Variants in PID1 observed in about 807,000 individuals in gnomAD.
PID1 encodes phosphotyrosine interaction domain containing 1.
In PID1, 10 loss-of-function variants were observed where a neutral mutation model predicts 19.1. The observed-to-expected ratio is 0.52, with a 90% CI of 0.32 to 0.89. The LOEUF is 0.89. Among genes scored for constraint, PID1 ranks in the 40% least tolerant of loss-of-function variants. The probability of loss-of-function intolerance (pLI) is 0.03; values close to 1 mark genes in which losing one functional copy is unlikely to be tolerated. For missense variants in PID1, 248 were observed against 285.3 expected (o/e 0.87, Z 0.94); for synonymous variants, 130 against 116.0 (o/e 1.12, Z -0.78).
intron 2 of PID1, among the ~76,000 whole-genome samples, chr2:229,114,203 C>CACACAAT (rs1695364802): frequency 6.9e-6 from 1 of 144,850 alleles, no homozygotes; most frequent in African/African-American, 2.6e-5. Context: ...ACACACACAA[C>CACACAAT]ACAACACATG....
At chr2:229,090,779 A>G (rs1038738923) in intron 2 of PID1, among the ~76,000 whole-genome samples, 7 of 152,228 alleles carry the variant, frequency 4.6e-5, no homozygotes, top group Non-Finnish European at 1.0e-4. Context: ...TCACGCATGC[A>G]TTCATTACAT....
intron 1 of PID1, among the ~76,000 whole-genome samples, chr2:229,195,652 C>T (rs1691363004): frequency 6.6e-6 from 1 of 151,720 alleles, no homozygotes; most frequent in African/African-American, 2.4e-5. Context: ...CTGCACAATA[C>T]CTAGAACATG....
chr2:229,167,002 GAAGGA>G (rs923467738), intron 1 of PID1, among the ~76,000 whole-genome samples: 10 of 150,490 alleles, frequency 6.6e-5, no homozygotes, highest in Non-Finnish European at 7.4e-5. Context: ...AGTGGAAGGG[GAAGGA>G]AAGGAAAGGA....
rs552410938 is a variant in PID1, at chr2:229,189,893, G to T, written c.31-33929C>A. On this transcript the variant is annotated intron_variant, in intron 1 of 2. Transcript: ENST00000392055. ...TAGCCCACAGATACAGAATTATATA[G>T]TATTCATCTCCCTTAAATAATGAGA... Among the ~76,000 whole-genome samples the T allele has an allele frequency of 2.6e-5, 4 of 152,252 alleles. No individual in the cohort carries two copies. The East Asian group carries it at 7.7e-4, about 29-fold the overall frequency.
At chr2:229,170,426 T>C (rs781214451) in intron 1 of PID1, among the ~76,000 whole-genome samples, 9 of 152,172 alleles carry the variant, frequency 5.9e-5, no homozygotes, top group Non-Finnish European at 1.2e-4. Context: ...ATTAAGTACA[T>C]AGAAGAGTAA....
chr2:229,237,619 A>C (rs1019031366), intron 1 of PID1, among the ~76,000 whole-genome samples: 3 of 152,198 alleles, frequency 2.0e-5, no homozygotes, highest in Non-Finnish European at 4.4e-5. Context: ...AGAGAAGGAG[A>C]TGAAGGAGAA....
chr2:229,136,671 T>G (rs184246640), intron 2 of PID1, among the ~76,000 whole-genome samples: 228 of 152,294 alleles, frequency 1.5e-3, no homozygotes, highest in Non-Finnish European at 2.7e-3. Context: ...CGGCACTTTC[T>G]CTCTTTGATT....
chr2:229,194,460 A>T (rs1347519273), intron 1 of PID1, among the ~76,000 whole-genome samples: 2 of 152,056 alleles, frequency 1.3e-5, no homozygotes, highest in African/African-American at 4.8e-5. Flanking sequence ...TCATTTTCAA[A>T]TTCAATAGCA....
intron 1 of PID1, among the ~76,000 whole-genome samples, chr2:229,232,431 CAAAA>C (rs386392861): frequency 1.5e-4 from 6 of 41,354 alleles, no homozygotes; most frequent in East Asian, 9.6e-4. Context: ...GACTCCATCT[CAAAA>C]AAAAAAAAAA....
chr2:229,134,464 G>C (rs62193235), intron 2 of PID1, among the ~76,000 whole-genome samples: 10,378 of 150,738 alleles, frequency 0.069, 507 homozygotes, highest in South Asian at 0.22. Flanking sequence ...GGCTGGTCTC[G>C]AACTCCTGAC....
At chr2:229,149,076 T>C (rs1696366541) in intron 2 of PID1, among the ~76,000 whole-genome samples, 1 of 150,748 alleles carries the variant, frequency 6.6e-6, no homozygotes, top group African/African-American at 2.4e-5. Context: ...GTAAATTTTA[T>C]AGAATATTAT....
chr2:229,101,500 C>T (rs1405841696), intron 2 of PID1, among the ~76,000 whole-genome samples: 3 of 152,168 alleles, frequency 2.0e-5, no homozygotes, highest in East Asian at 3.9e-4. Context: ...CAGGAACTTG[C>T]TAATTACTAA....
intron 2 of PID1, among the ~76,000 whole-genome samples, chr2:229,089,661 A>T (rs901056985): frequency 6.6e-6 from 1 of 152,176 alleles, no homozygotes; most frequent in African/African-American, 2.4e-5. Flanking sequence ...TATGGAATAC[A>T]TAATTAATTA....
intron 1 of PID1, among the ~76,000 whole-genome samples, chr2:229,253,855 G>A (rs937077896): frequency 7.2e-5 from 11 of 152,176 alleles, no homozygotes; most frequent in African/African-American, 2.4e-4. Context: ...TTCTATGGTT[G>A]CAAGCAACAG....
chr2:229,246,334 G>A (rs866257246), intron 1 of PID1, among the ~76,000 whole-genome samples: 1 of 152,070 alleles, frequency 6.6e-6, no homozygotes, highest in Non-Finnish European at 1.5e-5. Flanking sequence ...CCTCATTCAC[G>A]TAACATTTGA....
Position 229,025,902 on chromosome 2 carries a change from G to A in PID1, c.384C>T (p.Phe128=), listed in dbSNP as rs757861848. ...KGEATVHMDT[F]QVARIAYCTA... is the part of the protein sequence containing the mutation. ...TGCAGTAGGCGATGCGGGCCACCTG[G>A]AAGGTATCCATGTGCACTGTGGCCT... Residue 128 remains phenylalanine (F), a synonymous_variant, in exon 3 of 3, where the codon TTC becomes TTT. Coordinates refer to ENST00000392055, the MANE Select transcript of PID1 (RefSeq NM_001100818.2). 5.0e-6 allele frequency: 8 copies of A among 1,614,116 alleles called. No homozygotes were observed. The South Asian group carries it at 6.6e-5, about 13-fold the overall frequency.
At chr2:229,044,185 C>T (rs747379667) in intron 2 of PID1, among the ~76,000 whole-genome samples, 1 of 152,114 alleles carries the variant, frequency 6.6e-6, no homozygotes, top group Admixed American at 6.5e-5. Context: ...GTGCTTTTCC[C>T]AAAACCCTTC....
chr2:229,092,647 T>C (rs1329099534), intron 2 of PID1, among the ~76,000 whole-genome samples: 1 of 152,182 alleles, frequency 6.6e-6, no homozygotes, highest in Non-Finnish European at 1.5e-5. Context: ...TTCCAAGTGC[T>C]GACCGAGAGC....
intron 2 of PID1, among the ~76,000 whole-genome samples, chr2:229,141,511 A>G (rs1242237515): frequency 2.0e-5 from 3 of 152,170 alleles, no homozygotes; most frequent in Non-Finnish European, 4.4e-5. Flanking sequence ...AAGTGTTTCC[A>G]TAATAGTGGA....
Sources: allele counts gnomAD v4.1 joint callset (sites outside exome capture counted in the v4.1 genomes callset), GRCh38; gene constraint gnomAD v4.1.1; transcripts MANE v1.5; gene names NCBI Gene and HGNC (gene_info 2026-07-23, HGNC 2026-07-21).